The following DCDC1 variants were observed in gnomAD, a reference collection of about 807,000 sequenced individuals.
DCDC1 encodes the protein doublecortin domain containing 1.
In DCDC1, 200 loss-of-function variants were observed where a neutral mutation model predicts 178.3. That is an observed-to-expected ratio of 1.12 (90% CI 1.00 to 1.26). The LOEUF is 1.26. Ranked by LOEUF, DCDC1 falls within the 50% of genes most tolerant of loss-of-function variation. The pLI is 0.00. For missense variants in DCDC1, 1,983 were observed against 1,749.2 expected, an observed-to-expected ratio of 1.13 and a Z score of -2.38; for synonymous variants, 690 against 604.8, an observed-to-expected ratio of 1.14 and a Z score of -2.07.
At chr11:30,974,865 A>T (rs1012203307) in intron 20 of DCDC1, among the ~76,000 whole-genome samples, 1 of 152,164 alleles carries the variant, frequency 6.6e-6, no homozygotes, top group African/African-American at 2.4e-5. Flanking sequence ...TCTCTAGCTC[A>T]TTCTATAAGG....
At chr11:31,258,602 A>T (rs1419598763) in intron 8 of DCDC1, among the ~76,000 whole-genome samples, 1 of 152,174 alleles carries the variant, frequency 6.6e-6, no homozygotes, top group East Asian at 1.9e-4. Flanking sequence ...AGCATTAAAA[A>T]ACTGAGGAAA....
chr11:30,884,971 C>T (rs990471961), intron 36 of DCDC1, among the ~76,000 whole-genome samples: 17 of 151,882 alleles, frequency 1.1e-4, no homozygotes, highest in Admixed American at 2.0e-4. Context: ...AATCAACAGG[C>T]AAGAATATTC....
At chr11:31,273,222 A>G (rs1258970847) in intron 7 of DCDC1, among the ~76,000 whole-genome samples, 1 of 152,170 alleles carries the variant, frequency 6.6e-6, no homozygotes, top group Non-Finnish European at 1.5e-5. Context: ...AGCCAGCTTG[A>G]ATTTCTCCTC....
At chr11:31,157,464 T>C (rs208096) in intron 9 of DCDC1, among the ~76,000 whole-genome samples, 14 of 25,576 alleles carry the variant, frequency 5.5e-4, no homozygotes, top group East Asian at 0.059. Flanking sequence ...TGAATATACA[T>C]ATATATATAT....
intron 9 of DCDC1, among the ~76,000 whole-genome samples, chr11:31,181,769 C>T (rs1464594805): frequency 6.6e-6 from 1 of 152,034 alleles, no homozygotes; most frequent in Non-Finnish European, 1.5e-5. Flanking sequence ...GAAAAACCAG[C>T]ACAAAACGGC....
At chr11:30,866,667 A>G (rs938468108) in intron 38 of DCDC1, among the ~76,000 whole-genome samples, 1 of 152,144 alleles carries the variant, frequency 6.6e-6, no homozygotes, top group African/African-American at 2.4e-5. Context: ...AGTGCTGCCA[A>G]CACCTTGATC....
intron 20 of DCDC1, among the ~76,000 whole-genome samples, chr11:31,004,500 C>G (rs1020158075): frequency 7.0e-6 from 1 of 142,584 alleles, no homozygotes; most frequent in South Asian, 2.3e-4. Context: ...GGTGAAACCC[C>G]GTCTCTACTA....
intron 8 of DCDC1, among the ~76,000 whole-genome samples, chr11:31,264,624 A>G (rs2137100807): frequency 6.6e-6 from 1 of 152,322 alleles, no homozygotes; most frequent in South Asian, 2.1e-4. Flanking sequence ...TGAGAACTAA[A>G]TAAGTTAATG....
intron 38 of DCDC1, among the ~76,000 whole-genome samples, chr11:30,870,179 G>A (rs1443453556): frequency 6.6e-6 from 1 of 152,194 alleles, no homozygotes; most frequent in African/African-American, 2.4e-5. Flanking sequence ...TTTCCTGAGT[G>A]AGGCAGAGTC....
At chr11:30,921,177 G>T (rs949319492) in intron 24 of DCDC1, among the ~76,000 whole-genome samples, 1 of 151,852 alleles carries the variant, frequency 6.6e-6, no homozygotes, top group African/African-American at 2.4e-5. Context: ...ATCATATATC[G>T]TAATTATTCA....
chr11:30,878,038 G>C (rs1942298482), intron 38 of DCDC1, among the ~76,000 whole-genome samples: 2 of 151,916 alleles, frequency 1.3e-5, no homozygotes, highest in African/African-American at 4.8e-5. Flanking sequence ...TCTTTTCTTG[G>C]AAGAAAATCC....
intron 9 of DCDC1, among the ~76,000 whole-genome samples, chr11:31,184,165 T>A (rs891974372): frequency 2.0e-5 from 3 of 152,114 alleles, no homozygotes; most frequent in African/African-American, 7.2e-5. Flanking sequence ...TTGACAAGCC[T>A]GACAAAAAAC....
chr11:31,257,693 A>AACACACACACACAC lies in DCDC1; in HGVS notation c.1054+7800_1054+7813dup, dbSNP rs60535376. Among the ~76,000 whole-genome samples the AACACACACACACAC allele has an allele frequency of 4.9e-4, 70 of 143,946 alleles. 1 individual carries two copies. The highest frequency in any genetic ancestry group is 1.6e-3 in the African/African-American group (64 of 39,212). The allele number at this position is 143,946 out of a possible 152,430, so 94.4% of individuals were successfully genotyped here. ...AGCACACATATTTGACAGATAGGAAAACACACACACACACACACACACACA... is the reference window on the plus strand; with the variant it reads ...AGCACACATATTTGACAGATAGGAAAACACACACACACACACACACACACACACACACACACACA... On this transcript the variant is annotated intron_variant, in intron 8 of 38. Transcript: ENST00000684477.
intron 1 of DCDC1, among the ~76,000 whole-genome samples, chr11:31,367,606 T>C (rs1300913537): frequency 6.6e-6 from 1 of 152,216 alleles, no homozygotes; most frequent in African/African-American, 2.4e-5. Context: ...CAGTAGCCAC[T>C]AGTCACATGT....
Position 31,032,370 on chromosome 11 carries a change from G to A in DCDC1, c.2591+32099C>T, listed in dbSNP as rs150237438. ...TAATTCACCAGCTCATGTCTTGTAG[G>A]AATATTGTATTTCCTAATGTTTCTG... On this transcript the variant is annotated intron_variant, in intron 20 of 38. Transcript: ENST00000684477. 3.5e-3 allele frequency among the ~76,000 whole-genome samples: 537 copies of A among 152,132 alleles called. 1 individual carries two copies. The highest frequency in any genetic ancestry group is 0.012 in the African/African-American group (514 of 41,526).
intron 1 of DCDC1, among the ~76,000 whole-genome samples, chr11:31,356,051 ACT>A (rs1951336671): frequency 1.3e-5 from 2 of 152,058 alleles, no homozygotes; most frequent in African/African-American, 4.8e-5. Flanking sequence ...AGTGAGTCAC[ACT>A]CTTTTCTTCC....
chr11:30,985,815 G>T (rs1164914241), intron 20 of DCDC1, among the ~76,000 whole-genome samples: 2 of 152,032 alleles, frequency 1.3e-5, no homozygotes, highest in African/African-American at 4.8e-5. Flanking sequence ...TGAGAACATG[G>T]CAATCAACAT....
In DCDC1 at chr11:30,983,894, G is replaced by C. The variant is rs1267506180; in HGVS notation, c.2592-31326C>G. Among the ~76,000 whole-genome samples the C allele has an allele frequency of 2.6e-5, 4 of 152,176 alleles. No individual in the cohort carries two copies. The South Asian group carries it at 8.3e-4, about 32-fold the overall frequency. ...AACAGACCACAGGGGGTAAAAATCTGGTTATCTAAATGGGCGATATAATCG... is the reference window on the plus strand; with the variant it reads ...AACAGACCACAGGGGGTAAAAATCTCGTTATCTAAATGGGCGATATAATCG... On this transcript the variant is annotated intron_variant, in intron 20 of 38. Transcript: ENST00000684477.
At chr11:31,133,523 G>T (rs755052647) in intron 10 of DCDC1, among the ~76,000 whole-genome samples, 2 of 152,148 alleles carry the variant, frequency 1.3e-5, no homozygotes, top group Non-Finnish European at 2.9e-5. Context: ...GCGGTAAGAA[G>T]GAAACAGAAC....
Sources: allele counts gnomAD v4.1 joint callset (sites outside exome capture counted in the v4.1 genomes callset), GRCh38; gene constraint gnomAD v4.1.1; transcripts MANE v1.5; gene names NCBI Gene and HGNC (gene_info 2026-07-23, HGNC 2026-07-21).